The following PCDHA8 variants were observed in gnomAD, a reference collection of about 807,000 sequenced individuals.
The protein encoded by PCDHA8 is protocadherin alpha 8.
In PCDHA8, 53 loss-of-function variants were observed where a neutral mutation model predicts 61.8. The ratio of observed to expected loss-of-function variants is 0.86; its 90% CI spans 0.69 to 1.08. PCDHA8 has a LOEUF of 1.08. PCDHA8 is among the 50% of genes least tolerant of loss of function. PCDHA8 has a pLI of 0.00. For synonymous variants in PCDHA8, 618 were observed against 556.6 expected, an observed-to-expected ratio of 1.11 and a Z score of -1.55; for missense variants, 1,293 against 1,245.0, an observed-to-expected ratio of 1.04 and a Z score of -0.58.
chr5:141,003,608 C>T (rs951443168), intron 3 of PCDHA8, among the ~76,000 whole-genome samples: 3 of 152,136 alleles, frequency 2.0e-5, no homozygotes, highest in East Asian at 1.9e-4. Flanking sequence ...CCACCATTCC[C>T]GGCCCCAGAG....
At position 140,851,623 on chromosome 5, in the gene PCDHA8, TA is replaced by T. The variant is rs1286415417; in HGVS notation, c.2394+7911del. 3.6e-5 allele frequency: 33 copies of T among 920,270 alleles called. 3 individuals carry two copies. Among genetic ancestry groups the T allele is most frequent in the Non-Finnish European group, 3.8e-5 (29 of 756,686 alleles). The allele number at this position is 920,270 out of a possible 1,614,324, so 57.0% of individuals were successfully genotyped here. On this transcript the variant is annotated intron_variant, in intron 1 of 3. Transcript: ENST00000531613. ...TACAGAAATTGGAGAAAATGCTTTT[TA>T]AACAAGTGTTTCCTTTCTTCAAGAA... is the stretch of plus-strand genomic sequence containing the variant.
At chr5:140,876,907 G>A (rs782597420) in intron 1 of PCDHA8, 1 of 1,614,022 alleles carries the variant, frequency 6.2e-7, no homozygotes, top group Admixed American at 1.7e-5. Flanking sequence ...CACGGTGTCG[G>A]CATGGGACGC....
At chr5:140,915,581 A>G (rs1563006188) in intron 1 of PCDHA8, among the ~76,000 whole-genome samples, 1 of 151,994 alleles carries the variant, frequency 6.6e-6, no homozygotes, top group Non-Finnish European at 1.5e-5. Flanking sequence ...GCCAGGCAAA[A>G]GCACTTGTTC....
intron 1 of PCDHA8, among the ~76,000 whole-genome samples, chr5:140,885,674 C>A (rs1041500524): frequency 2.1e-4 from 32 of 152,192 alleles, no homozygotes; most frequent in African/African-American, 7.0e-4. Flanking sequence ...AGCACTCTTT[C>A]TATCTCAAGA....
chr5:140,899,465 T>C (rs1291429349), intron 1 of PCDHA8, among the ~76,000 whole-genome samples: 2 of 152,232 alleles, frequency 1.3e-5, no homozygotes, highest in African/African-American at 4.8e-5. Context: ...GTTTTTGTCT[T>C]TGGTTCTGTT....
intron 1 of PCDHA8, chr5:140,871,407 C>G: frequency 6.2e-7 from 1 of 1,614,070 alleles, no homozygotes; most frequent in Non-Finnish European, 8.5e-7. Context: ...AGACGGACCT[C>G]ATGGCCTTCA....
intron 1 of PCDHA8, chr5:140,862,802 T>C (rs1554156982): frequency 1.7e-6 from 1 of 577,736 alleles, no homozygotes; most frequent in Non-Finnish European, 3.3e-6. Flanking sequence ...GAGCTGGAGC[T>C]GCTGCAGTTC....
At chr5:140,929,231 T>G in intron 1 of PCDHA8, 2 of 1,613,886 alleles carry the variant, frequency 1.2e-6, no homozygotes, top group Non-Finnish European at 1.7e-6. Context: ...GCTGCCGACC[T>G]GCGAAATCTT....
intron 1 of PCDHA8, among the ~76,000 whole-genome samples, chr5:140,958,001 T>C (rs1257234939): frequency 6.6e-6 from 1 of 152,144 alleles, no homozygotes; most frequent in Non-Finnish European, 1.5e-5. Flanking sequence ...ATTTTTTGTT[T>C]CAATTCTATC....
chr5:140,941,231 C>CTT (rs1554214107), intron 1 of PCDHA8, among the ~76,000 whole-genome samples: 1 of 136,770 alleles, frequency 7.3e-6, no homozygotes, highest in African/African-American at 2.8e-5. Context: ...TTCTTTCTTT[C>CTT]TTTCTTTCTT....
At chr5:140,966,865 G>T (rs1554228807) in intron 1 of PCDHA8, 4 of 1,565,172 alleles carry the variant, frequency 2.6e-6, no homozygotes, top group Non-Finnish European at 1.7e-6. Context: ...TGCTGTTGCT[G>T]CTGCTGCTAC....
At chr5:140,858,172 G>A (rs1554151243) in intron 1 of PCDHA8, 1 of 1,597,816 alleles carries the variant, frequency 6.3e-7, no homozygotes, top group South Asian at 1.1e-5. Context: ...TGTCCAGCTT[G>A]CTGGTGCTCA....
intron 1 of PCDHA8, chr5:140,855,925 C>G (rs1161071214): frequency 2.4e-6 from 3 of 1,240,504 alleles, no homozygotes; most frequent in Non-Finnish European, 3.4e-6. Flanking sequence ...TAGGAAGTAG[C>G]GTCATTCTGA....
intron 1 of PCDHA8, among the ~76,000 whole-genome samples, chr5:140,888,841 C>T (rs2062001270): frequency 1.3e-5 from 2 of 151,998 alleles, no homozygotes; most frequent in Admixed American, 1.3e-4. Flanking sequence ...CCACTGCAGC[C>T]TGGTGACAGA....
At chr5:140,913,997 A>G (rs2076553878) in intron 1 of PCDHA8, among the ~76,000 whole-genome samples, 1 of 152,170 alleles carries the variant, frequency 6.6e-6, no homozygotes, top group Admixed American at 6.5e-5. Flanking sequence ...TGACTAGCAT[A>G]TGGTCTATCT....
chr5:140,927,339 A>G lies in PCDHA8; in HGVS notation c.2395-51610A>G, dbSNP rs532353795. 3.7e-6 allele frequency: 6 copies of G among 1,614,052 alleles called. No individual in the cohort carries two copies. The South Asian group carries it at 4.4e-5, about 12-fold the overall frequency. The stretch of plus-strand genomic sequence containing the variant: ...CCCGCTTTACTCTCCCGAATGCCCA[A>G]GATGACGACGAGGGAAGCAATGGGA... On this transcript the variant is annotated intron_variant, in intron 1 of 3. Transcript: ENST00000531613.
At chr5:140,903,979 C>T (rs988987540) in intron 1 of PCDHA8, among the ~76,000 whole-genome samples, 3 of 152,150 alleles carry the variant, frequency 2.0e-5, no homozygotes, top group Admixed American at 2.0e-4. Flanking sequence ...GGTCTATTCA[C>T]AATGTAACAG....
chr5:140,965,216 A>G (rs2095880887), intron 1 of PCDHA8, among the ~76,000 whole-genome samples: 1 of 152,224 alleles, frequency 6.6e-6, no homozygotes, highest in Non-Finnish European at 1.5e-5. Context: ...TTCCTGTGGA[A>G]GAAATGTGAG....
At chr5:140,879,396 T>C (rs2057974571) in intron 1 of PCDHA8, among the ~76,000 whole-genome samples, 1 of 152,174 alleles carries the variant, frequency 6.6e-6, no homozygotes, top group Non-Finnish European at 1.5e-5. Context: ...AAACAGTTTG[T>C]GTGTATTTGA....
Sources: gnomAD v4.1 joint callset for allele counts (sites outside exome capture counted in the v4.1 genomes callset) on GRCh38, gnomAD v4.1.1 for gene constraint, MANE v1.5 for transcripts, NCBI Gene and HGNC (gene_info 2026-07-23, HGNC 2026-07-21) for gene names.